FBXW11: variants seen among roughly 807,000 people sequenced by gnomAD.
FBXW11 encodes F-box/WD repeat-containing protein 11.
A neutral mutation model predicts 77.6 loss-of-function variants in FBXW11; 19 were observed. The observed-to-expected ratio is 0.24, with a 90% CI of 0.17 to 0.36. The LOEUF (loss-of-function observed/expected upper bound fraction) is 0.36, where lower values mean the gene tolerates loss of function less well. Ranked by LOEUF, FBXW11 falls within the 10% of genes least tolerant of loss-of-function variation. FBXW11 has a pLI of 1.00. For missense variants in FBXW11, 334 were observed against 704.2 expected, an observed-to-expected ratio of 0.47 and a Z score of 5.95; for synonymous variants, 235 against 249.4, an observed-to-expected ratio of 0.94 and a Z score of 0.54.
chr5:171,996,884 G>A, intron 1 of FBXW11: 1 of 1,281,000 alleles, frequency 7.8e-7, no homozygotes, highest in Non-Finnish European at 1.0e-6. Flanking sequence ...CAGGGTAATT[G>A]CTTACCTGGA....
intron 2 of FBXW11, among the ~76,000 whole-genome samples, chr5:171,934,834 G>T (rs1033150487): frequency 3.3e-5 from 5 of 152,060 alleles, no homozygotes; most frequent in Admixed American, 2.6e-4. Context: ...AATATAATTG[G>T]AGTTTCTAAA....
At chr5:171,979,030 G>T (rs1765001353) in intron 1 of FBXW11, among the ~76,000 whole-genome samples, 1 of 152,052 alleles carries the variant, frequency 6.6e-6, no homozygotes, top group Admixed American at 6.5e-5. Context: ...GTTCATAAAG[G>T]TTAAGAACAG....
intron 2 of FBXW11, among the ~76,000 whole-genome samples, chr5:171,934,676 CAAAAAA>C (rs34077162): frequency 1.4e-5 from 1 of 69,204 alleles, no homozygotes; most frequent in African/African-American, 5.3e-5. Flanking sequence ...GACCCTGTCT[CAAAAAA>C]AAAAAAAAAA....
Position 171,999,400 on chromosome 5 carries a change from A to AT in FBXW11, c.45+7057_45+7058insA, listed in dbSNP as rs1013119656. On this transcript the variant is annotated intron_variant, in intron 1 of 13. Transcript: ENST00000517395. Reference sequence around the variant, plus strand: ...TTCTCCCTTCCCTTCAAAAAAAAAAAATATATATATATATACACACACATA... The same window carrying AT: ...TTCTCCCTTCCCTTCAAAAAAAAAAATATATATATATATATACACACACATA... 4.4e-3 allele frequency among the ~76,000 whole-genome samples: 620 copies of AT among 141,532 alleles called. 8 individuals are homozygous for AT. Among genetic ancestry groups the AT allele is most frequent in the South Asian group, 0.022 (103 of 4,760 alleles). 92.9% of individuals were successfully genotyped at this position (141,532 alleles called of 152,430 possible). A position where few individuals can be genotyped will look rare whatever the true frequency, so the allele number is the denominator to read the frequency against.
chr5:172,000,187 T>C (rs1372163902), intron 1 of FBXW11, among the ~76,000 whole-genome samples: 1 of 152,234 alleles, frequency 6.6e-6, no homozygotes, highest in African/African-American at 2.4e-5. Flanking sequence ...GAAAATCTTG[T>C]ATGAATTCTC....
At chr5:171,990,651 T>C (rs1347576367) in intron 1 of FBXW11, among the ~76,000 whole-genome samples, 2 of 152,154 alleles carry the variant, frequency 1.3e-5, no homozygotes, top group African/African-American at 4.8e-5. Context: ...TAAATTAAAT[T>C]ATCTCCTCAA....
chr5:171,930,115 C>T (rs547337728), intron 2 of FBXW11, among the ~76,000 whole-genome samples: 2 of 152,244 alleles, frequency 1.3e-5, no homozygotes, highest in African/African-American at 4.8e-5. Flanking sequence ...AAAAGATTGA[C>T]ATAAAATCAC....
At chr5:171,886,361 G>A (rs1252602685) in intron 7 of FBXW11, among the ~76,000 whole-genome samples, 1 of 139,894 alleles carries the variant, frequency 7.1e-6, no homozygotes, top group East Asian at 2.3e-4. Flanking sequence ...TCATAGGTGG[G>A]AATTGAACAA....
At chr5:171,920,030 C>A (rs1486112797) in intron 2 of FBXW11, among the ~76,000 whole-genome samples, 1 of 152,070 alleles carries the variant, frequency 6.6e-6, no homozygotes, top group Non-Finnish European at 1.5e-5. Flanking sequence ...GTGGCACATG[C>A]CTGTAGTCTC....
chr5:171,996,061 C>T (rs1439621843), intron 1 of FBXW11, among the ~76,000 whole-genome samples: 1 of 152,096 alleles, frequency 6.6e-6, no homozygotes, highest in South Asian at 2.1e-4. Flanking sequence ...AAGCATTGTG[C>T]CAATTAAGTA....
chr5:171,878,192 G>A, intron 7 of FBXW11, 63 bp from the exon 8 acceptor site: 1 of 1,142,050 alleles, frequency 8.8e-7, no homozygotes, highest in South Asian at 1.3e-5. Flanking sequence ...GAATGTTACT[G>A]TCCCACCTTA....
chr5:171,870,922 T>C, intron 10 of FBXW11, 64 bp from the exon 11 acceptor site: 1 of 1,133,158 alleles, frequency 8.8e-7, no homozygotes. Flanking sequence ...ATCCGTAAGT[T>C]TTTTATATCT....
intron 6 of FBXW11, among the ~76,000 whole-genome samples, chr5:171,896,982 A>T (rs545850666): frequency 8.2e-4 from 125 of 151,786 alleles, no homozygotes; most frequent in Middle Eastern, 3.4e-3. Flanking sequence ...AAATGGGAGT[A>T]AAAAAAAATC....
At chr5:171,915,157 G>C (rs1761144159) in intron 2 of FBXW11, among the ~76,000 whole-genome samples, 1 of 152,212 alleles carries the variant, frequency 6.6e-6, no homozygotes, top group South Asian at 2.1e-4. Flanking sequence ...ATGAGAAGGG[G>C]AAGTGGGCTA....
At chr5:171,867,086 G>A (rs1757447834) in intron 13 of FBXW11, among the ~76,000 whole-genome samples, 1 of 152,182 alleles carries the variant, frequency 6.6e-6, no homozygotes, top group Non-Finnish European at 1.5e-5. Context: ...AGTCACTACT[G>A]ACCAAACTGA....
At chr5:171,864,298 GA>G (rs1396736968) in intron 13 of FBXW11, among the ~76,000 whole-genome samples, 197 bp from the exon 14 acceptor site, 1 of 152,188 alleles carries the variant, frequency 6.6e-6, no homozygotes, top group Non-Finnish European at 1.5e-5. Context: ...ATCCTGTGAG[GA>G]AGAAACTATT....
At chr5:171,908,152 T>C (rs1408297868) in intron 4 of FBXW11, among the ~76,000 whole-genome samples, 4 of 152,188 alleles carry the variant, frequency 2.6e-5, no homozygotes, top group Admixed American at 6.5e-5. Context: ...TCTGATTCTA[T>C]AGGTTTCTGG....
chr5:171,913,408 A>G (rs1281865598), intron 3 of FBXW11, among the ~76,000 whole-genome samples: 1 of 152,234 alleles, frequency 6.6e-6, no homozygotes, highest in African/African-American at 2.4e-5. Flanking sequence ...AAATCATAGT[A>G]AATGAAGAGC....
chr5:171,865,778 T>A (rs540377294), intron 13 of FBXW11, among the ~76,000 whole-genome samples: 3 of 152,186 alleles, frequency 2.0e-5, no homozygotes, highest in Non-Finnish European at 4.4e-5. Flanking sequence ...CTCTTAGATG[T>A]TACTAATTTT....
Sources: allele counts gnomAD v4.1 joint callset (sites outside exome capture counted in the v4.1 genomes callset), GRCh38; gene constraint gnomAD v4.1.1; transcripts MANE v1.5; gene names NCBI Gene and HGNC (gene_info 2026-07-23, HGNC 2026-07-21).